Variants in SEC22A observed in about 807,000 individuals in gnomAD.
The protein encoded by SEC22A is SEC22 homolog A, vesicle trafficking protein, also known as vesicle-trafficking protein SEC22a.
A neutral mutation model predicts 35.3 loss-of-function variants in SEC22A; 22 were observed. That is an observed-to-expected ratio of 0.62 (90% CI 0.45 to 0.89). The LOEUF (loss-of-function observed/expected upper bound fraction) is 0.89, where lower values mean the gene tolerates loss of function less well. Ranked by LOEUF, SEC22A falls within the 40% of genes least tolerant of loss-of-function variation. The pLI, the probability that SEC22A is intolerant of heterozygous loss-of-function variation, is 0.00. For missense variants in SEC22A, 354 were observed against 362.5 expected, an observed-to-expected ratio of 0.98 and a Z score of 0.19; for synonymous variants, 119 against 129.5, an observed-to-expected ratio of 0.92 and a Z score of 0.55.
At chr3:123,267,749 A>G (rs1010450821) in intron 6 of SEC22A, among the ~76,000 whole-genome samples, 2 of 152,186 alleles carry the variant, frequency 1.3e-5, no homozygotes, top group Non-Finnish European at 2.9e-5. Flanking sequence ...TTTATGGTAG[A>G]TCTGCTAGCA....
chr3:123,217,826 G>C (rs1937059695), intron 2 of SEC22A, among the ~76,000 whole-genome samples: 1 of 152,164 alleles, frequency 6.6e-6, no homozygotes, highest in Non-Finnish European at 1.5e-5. Context: ...ATCCCCAGTA[G>C]TAGTATGGTA....
At chr3:123,268,825 T>C (rs553548854) in intron 6 of SEC22A, among the ~76,000 whole-genome samples, 51 of 152,292 alleles carry the variant, frequency 3.3e-4, no homozygotes, top group African/African-American at 1.2e-3. Context: ...TCGTGTACCT[T>C]TTGATCTATG....
chr3:123,270,593 G>A (rs955373951), intron 6 of SEC22A, among the ~76,000 whole-genome samples: 1 of 152,180 alleles, frequency 6.6e-6, no homozygotes, highest in East Asian at 1.9e-4. Context: ...GGGCACTGGA[G>A]ATAAATGAGT....
intron 4 of SEC22A, among the ~76,000 whole-genome samples, chr3:123,232,043 A>C (rs1163334309): frequency 6.6e-6 from 1 of 152,196 alleles, no homozygotes; most frequent in East Asian, 1.9e-4. Flanking sequence ...GTTCAAGACT[A>C]GCCTGGCCAA....
In SEC22A at chr3:123,273,920, T is replaced by C. The variant is rs1470587430; in HGVS notation, c.*2198T>C. The C allele has an allele frequency of 6.6e-6, 1 of 152,202 alleles. No individual in the cohort carries two copies. Among genetic ancestry groups the C allele is most frequent in the Admixed American group, 6.5e-5 (1 of 15,284 alleles). The allele number at this position is 152,202 out of a possible 1,614,324, so 9.4% of individuals were successfully genotyped here. ...CTGTATTGACACAGCTCGCACCAGT[T>C]TGGTTCAGGAGCTACCTCCTTGTCA... On this transcript the variant is annotated 3_prime_UTR_variant, in exon 7 of 7. Coordinates refer to ENST00000492595, the MANE Select transcript of SEC22A (RefSeq NM_012430.5).
chr3:123,242,716 C>T lies in SEC22A; in HGVS notation c.542-3183C>T, dbSNP rs1038955159. ...TTGTGAAGATGGCCCTTCTGGCTGT[C>T]TGACTTATAGAAAATAATTTAATCT... On this transcript the variant is annotated intron_variant, in intron 4 of 6. Coordinates refer to ENST00000492595, the MANE Select transcript of SEC22A (RefSeq NM_012430.5). Among the ~76,000 whole-genome samples, 2 of 152,216 alleles carry T rather than the reference C, an allele frequency of 1.3e-5. 1 individual carries two copies. Among genetic ancestry groups the T allele is most frequent in the South Asian group, 4.1e-4 (2 of 4,824 alleles).
chr3:123,229,101 T>G (rs925209465), intron 4 of SEC22A, among the ~76,000 whole-genome samples: 1 of 152,154 alleles, frequency 6.6e-6, no homozygotes, highest in Admixed American at 6.5e-5. Context: ...AGTTCCCAGA[T>G]TTACTGAAGA....
At chr3:123,242,213 C>T (rs997552810) in intron 4 of SEC22A, among the ~76,000 whole-genome samples, 4 of 151,098 alleles carry the variant, frequency 2.6e-5, no homozygotes, top group East Asian at 1.9e-4. Context: ...AAACCTTTCC[C>T]TTCAGTTGCA....
At chr3:123,223,494 T>G in intron 2 of SEC22A, 65 bp from the exon 3 acceptor site, 2 of 1,260,566 alleles carry the variant, frequency 1.6e-6, no homozygotes, top group Non-Finnish European at 2.3e-6. Context: ...AGAACCAGTC[T>G]TGTGAAGCAG....
At chr3:123,265,598 CTT>C (rs1938008152) in intron 6 of SEC22A, among the ~76,000 whole-genome samples, 2 of 144,208 alleles carry the variant, frequency 1.4e-5, no homozygotes, top group Non-Finnish European at 3.1e-5. Flanking sequence ...ATGGGTCATG[CTT>C]GTGGTGGTCA....
intron 2 of SEC22A, among the ~76,000 whole-genome samples, chr3:123,221,803 T>C (rs529265439): frequency 1.1e-4 from 17 of 152,318 alleles, no homozygotes; most frequent in African/African-American, 3.8e-4. Context: ...GTTGTATGAA[T>C]AAGAAAAGTT....
At chr3:123,206,240 T>A (rs751083407) in intron 1 of SEC22A, among the ~76,000 whole-genome samples, 9 of 152,150 alleles carry the variant, frequency 5.9e-5, no homozygotes, top group Admixed American at 1.3e-4. Context: ...ACTATAGGCG[T>A]GTGCCACCAT....
At chr3:123,270,906 AAAATTTAATATTT>A (rs1938145682) in intron 6 of SEC22A, among the ~76,000 whole-genome samples, 1 of 152,288 alleles carries the variant, frequency 6.6e-6, no homozygotes, top group South Asian at 2.1e-4. Context: ...CTTCCCCATT[AAAATTTAATATTT>A]ATATGAACAA....
chr3:123,252,269 T>A (rs1016601700), intron 5 of SEC22A, among the ~76,000 whole-genome samples: 1 of 152,144 alleles, frequency 6.6e-6, no homozygotes, highest in Non-Finnish European at 1.5e-5. Context: ...TTAGGAATAA[T>A]CTCAAACGTC....
intron 4 of SEC22A, among the ~76,000 whole-genome samples, chr3:123,238,795 C>T (rs1336574969): frequency 6.6e-6 from 1 of 152,034 alleles, no homozygotes; most frequent in African/African-American, 2.4e-5. Flanking sequence ...TCTTGCCATA[C>T]TTATTTTCTG....
intron 1 of SEC22A, chr3:123,204,675 A>G (rs1483210904): frequency 6.6e-6 from 1 of 152,232 alleles, no homozygotes; most frequent in African/African-American, 2.4e-5. Context: ...AAGTTTACCC[A>G]GATTTACCTA....
At chr3:123,244,213 T>TA (rs1461200303) in intron 4 of SEC22A, among the ~76,000 whole-genome samples, 1 of 152,186 alleles carries the variant, frequency 6.6e-6, no homozygotes, top group Non-Finnish European at 1.5e-5. Context: ...GTCACCTTCT[T>TA]ATGTTGTGGG....
chr3:123,248,530 A>C (rs1218278018), intron 5 of SEC22A, among the ~76,000 whole-genome samples: 1 of 152,232 alleles, frequency 6.6e-6, no homozygotes, highest in Non-Finnish European at 1.5e-5. Flanking sequence ...TAAAATGTAT[A>C]TACAAGATCT....
At chr3:123,260,839 C>CTTTTTT (rs11293756) in intron 6 of SEC22A, among the ~76,000 whole-genome samples, 3 of 134,662 alleles carry the variant, frequency 2.2e-5, no homozygotes, top group Non-Finnish European at 3.2e-5. Flanking sequence ...TTTTCTTTTT[C>CTTTTTT]TTTTTTTTTT....
Sources: gnomAD v4.1 joint callset for allele counts (sites outside exome capture counted in the v4.1 genomes callset) on GRCh38, gnomAD v4.1.1 for gene constraint, MANE v1.5 for transcripts, NCBI Gene and HGNC (gene_info 2026-07-23, HGNC 2026-07-21) for gene names.